The following MBOAT1 variants were observed in gnomAD, a reference collection of about 807,000 sequenced individuals.
The protein encoded by MBOAT1 is membrane bound glycerophospholipid O-acyltransferase 1.
Under a neutral mutation model 64.4 loss-of-function variants are expected in MBOAT1, and 67 were observed. The observed-to-expected ratio is 1.04, with a 90% CI of 0.85 to 1.27. The LOEUF (loss-of-function observed/expected upper bound fraction) is 1.27, where lower values mean the gene tolerates loss of function less well. MBOAT1 is among the 50% of genes most tolerant of loss of function. The pLI, the probability that MBOAT1 is intolerant of heterozygous loss-of-function variation, is 0.00. For synonymous variants in MBOAT1, 229 were observed against 218.9 expected, an observed-to-expected ratio of 1.05 and a Z score of -0.41; for missense variants, 563 against 604.6, an observed-to-expected ratio of 0.93 and a Z score of 0.72.
At chr6:20,201,675 G>T (rs2113771007) in intron 1 of MBOAT1, among the ~76,000 whole-genome samples, 1 of 151,826 alleles carries the variant, frequency 6.6e-6, no homozygotes, top group South Asian at 2.1e-4. Flanking sequence ...CCGCCTCCTG[G>T]GTTCAAGCAA....
chr6:20,102,537 C>T, intron 12 of MBOAT1, 125 bp from the exon 13 acceptor site: 5 of 710,940 alleles, frequency 7.0e-6, no homozygotes, highest in South Asian at 1.9e-5. Context: ...GGCCTGTCTA[C>T]ACTCAGGCTT....
At chr6:20,136,719 C>T (rs843321) in intron 4 of MBOAT1, among the ~76,000 whole-genome samples, 131,591 of 152,226 alleles carry the variant, frequency 0.86, 57,812 homozygotes, top group East Asian at 0.99. Context: ...TCCAATTCTG[C>T]TAGCTTCAGT....
intron 3 of MBOAT1, among the ~76,000 whole-genome samples, chr6:20,146,927 T>C (rs1761342196): frequency 6.6e-6 from 1 of 152,162 alleles, no homozygotes; most frequent in South Asian, 2.1e-4. Context: ...CGAAATCTCA[T>C]CTTAAATTGT....
rs1210147069 is a variant in MBOAT1, at chr6:20,204,738, G to A, written c.99+7398C>T. Among the ~76,000 whole-genome samples, 4 of 152,328 alleles carry A rather than the reference G, an allele frequency of 2.6e-5. No individual in the cohort carries two copies. The East Asian group carries it at 7.7e-4, about 29-fold the overall frequency. ...GTGTTTGAGGGATAGGAAGTAAAGA[G>A]TTCACTGTGCTGAAAGCACAGCACA... On this transcript the variant is annotated intron_variant, in intron 1 of 12. Transcript: ENST00000324607.
At chr6:20,187,898 G>A (rs938574161) in intron 1 of MBOAT1, among the ~76,000 whole-genome samples, 3 of 152,088 alleles carry the variant, frequency 2.0e-5, no homozygotes, top group Admixed American at 2.0e-4. Flanking sequence ...AGGCTGAGGC[G>A]GGAGGATTGC....
chr6:20,157,729 C>T (rs906191139), intron 1 of MBOAT1, among the ~76,000 whole-genome samples: 12 of 150,442 alleles, frequency 8.0e-5, no homozygotes, highest in African/African-American at 3.0e-4. Flanking sequence ...AAATGGAAGA[C>T]GTTAAACTGT....
At chr6:20,119,286 A>T (rs16883370) in intron 8 of MBOAT1, among the ~76,000 whole-genome samples, 1,870 of 152,280 alleles carry the variant, frequency 0.012, 41 homozygotes, top group African/African-American at 0.041. Flanking sequence ...ACTATAAGAG[A>T]ATGTTCTCCT....
At position 20,126,916 on chromosome 6, in the gene MBOAT1, C is replaced by T. The variant is rs997282116; in HGVS notation, c.531-216G>A. Among the ~76,000 whole-genome samples the T allele has an allele frequency of 3.3e-5, 5 of 152,168 alleles. No homozygotes were observed. In the East Asian group the frequency reaches 5.8e-4, roughly 18 times the overall value. Reference sequence around the variant, plus strand: ...CAGCAGGCACAGAGCTCCATGCTGCCCTCTGCTGGCCAGACACAGCCGTAG... The same window carrying T: ...CAGCAGGCACAGAGCTCCATGCTGCTCTCTGCTGGCCAGACACAGCCGTAG... On this transcript the variant is annotated intron_variant, in intron 6 of 12. Transcript: ENST00000324607.
At chr6:20,115,373 C>T in intron 9 of MBOAT1, 21 bp from the exon 10 acceptor site, 2 of 1,594,800 alleles carry the variant, frequency 1.3e-6, no homozygotes, top group Admixed American at 1.7e-5. Flanking sequence ...GAAAATAACA[C>T]CTATCATTAG....
chr6:20,128,612 A>C (rs904627134), intron 6 of MBOAT1, 87 bp downstream of exon 6: 4 of 911,348 alleles, frequency 4.4e-6, no homozygotes, highest in Admixed American at 5.4e-5. Flanking sequence ...ATAGAACAGA[A>C]TTAATGTGTA....
Position 20,115,309 on chromosome 6 carries a change from T to C in MBOAT1, c.1055A>G (p.Gln352Arg). 1.2e-6 allele frequency: 2 copies of C among 1,614,092 alleles called. No individual in the cohort carries two copies. Among genetic ancestry groups the C allele is most frequent in the Non-Finnish European group, 1.7e-6 (2 of 1,179,940 alleles). ...FKMYLENWNI[Q>R]TATWLKCVCY... Reference sequence around the variant, plus strand: ...TTACCACTTTAGCCAAGTAGCTGTCTGAATATTCCAGTTTTCCAAGTACAT... The same window carrying C: ...TTACCACTTTAGCCAAGTAGCTGTCCGAATATTCCAGTTTTCCAAGTACAT... The change falls in exon 10 of 13, where the codon CAG becomes CGG. Residue 352 changes from glutamine (Q) to arginine (R), a missense_variant. Gln to Arg is a conservative substitution (Grantham distance 43). Coordinates refer to ENST00000324607, the MANE Select transcript of MBOAT1 (RefSeq NM_001080480.3).
At position 20,109,617 on chromosome 6, in the gene MBOAT1, G is replaced by A. The variant is rs770256909; in HGVS notation, c.1342C>T (p.Pro448Ser). Residue 448 changes from proline to serine, a missense_variant, in exon 12 of 13, where the codon CCG (proline) becomes TCG (serine). Transcript: ENST00000324607. ...VAPFVMLAVE[P>S]TISLYKSMYF... ...ACTTACTTGTATAAGCTGATGGTCG[G>A]TTCAACTGCCAACATCACAAAGGGT... is the stretch of plus-strand genomic sequence containing the variant. 1.2e-6 allele frequency: 2 copies of A among 1,613,264 alleles called. No individual in the cohort carries two copies. Among genetic ancestry groups the A allele is most frequent in the South Asian group, 1.1e-5 (1 of 90,962 alleles).
At chr6:20,149,179 C>A (rs949791764) in intron 3 of MBOAT1, among the ~76,000 whole-genome samples, 1 of 151,838 alleles carries the variant, frequency 6.6e-6, no homozygotes, top group African/African-American at 2.4e-5. Flanking sequence ...GATGGCAGAG[C>A]CCCCTGCTAC....
At chr6:20,124,337 TC>T in intron 8 of MBOAT1, 70 bp downstream of exon 8, 1 of 1,479,794 alleles carries the variant, frequency 6.8e-7, no homozygotes, top group South Asian at 1.3e-5. Context: ...ATCCAAAACG[TC>T]GTTCTGGCTA....
intron 6 of MBOAT1, among the ~76,000 whole-genome samples, chr6:20,128,329 C>T (rs1760720101): frequency 6.6e-6 from 1 of 152,090 alleles, no homozygotes; most frequent in South Asian, 2.1e-4. Context: ...ATTCACTATT[C>T]TTTAGGACCC....
intron 9 of MBOAT1, among the ~76,000 whole-genome samples, chr6:20,116,088 T>G (rs2113638174): frequency 6.6e-6 from 1 of 152,144 alleles, no homozygotes; most frequent in East Asian, 1.9e-4. Flanking sequence ...TCCCAGCACT[T>G]TGGGAAGCCG....
In MBOAT1 at chr6:20,179,464, A is replaced by G. The variant is rs140660402; in HGVS notation, c.100-26695T>C. Reference sequence around the variant, plus strand: ...AGGATAATGGTTTGTAGCTCCATCCATGTCCCTGCAAAGGACATGATTTCA... The same window carrying G: ...AGGATAATGGTTTGTAGCTCCATCCGTGTCCCTGCAAAGGACATGATTTCA... On this transcript the variant is annotated intron_variant, in intron 1 of 12. Transcript: ENST00000324607. Among the ~76,000 whole-genome samples the G allele has an allele frequency of 8.1e-4, 123 of 152,278 alleles. 1 individual carries two copies. The Middle Eastern group carries it at 0.01, about 13-fold the overall frequency.
At chr6:20,178,994 T>C (rs185570910) in intron 1 of MBOAT1, among the ~76,000 whole-genome samples, 7 of 152,204 alleles carry the variant, frequency 4.6e-5, no homozygotes, top group African/African-American at 1.2e-4. Flanking sequence ...GTTTGTTACA[T>C]AGGCAAACGT....
At chr6:20,108,597 G>A (rs1007323517) in intron 12 of MBOAT1, among the ~76,000 whole-genome samples, 2 of 152,178 alleles carry the variant, frequency 1.3e-5, no homozygotes, top group South Asian at 2.1e-4. Flanking sequence ...CCCCTCCATC[G>A]GCTATAGGGA....
Sources: allele counts gnomAD v4.1 joint callset (sites outside exome capture counted in the v4.1 genomes callset), GRCh38; gene constraint gnomAD v4.1.1; transcripts MANE v1.5; gene names NCBI Gene and HGNC (gene_info 2026-07-23, HGNC 2026-07-21).